The following LIMS2 variants were observed in gnomAD, a reference collection of about 807,000 sequenced individuals.
The protein encoded by LIMS2 is LIM and senescent cell antigen-like-containing domain protein 2.
Under a neutral mutation model 45.3 loss-of-function variants are expected in LIMS2, and 30 were observed. That is an observed-to-expected ratio of 0.66 (90% CI 0.50 to 0.90). LIMS2 has a LOEUF of 0.90. Among genes scored for constraint, LIMS2 ranks in the 40% least tolerant of loss-of-function variants. The pLI is 0.00. For synonymous variants in LIMS2, 173 were observed against 188.0 expected (o/e 0.92, Z 0.65); for missense variants, 485 against 468.7 (o/e 1.03, Z -0.32).
chr2:127,651,033 G>A, intron 4 of LIMS2: 1 of 1,613,764 alleles, frequency 6.2e-7, no homozygotes, highest in Non-Finnish European at 8.5e-7. Context: ...CTGGCCATTT[G>A]GGGAAATCGC....
Position 127,639,393 on chromosome 2 carries a change from C to A in LIMS2, c.914G>T (p.Cys305Phe), listed in dbSNP as rs1558864729. ...KFVEFDMKPV[C>F]KRCYEKFPLE... Reference sequence around the variant, plus strand: ...CGGGAACTTCTCGTAGCACCTCTTACACACGGGCTTCATGTCGAACTCCAC... The same window carrying A: ...CGGGAACTTCTCGTAGCACCTCTTAAACACGGGCTTCATGTCGAACTCCAC... Residue 305 changes from cysteine to phenylalanine, a missense_variant, in exon 10 of 10, where the codon TGT (cysteine) becomes TTT (phenylalanine). Transcript: ENST00000355119. 2 of 1,613,924 alleles carry A rather than the reference C, an allele frequency of 1.2e-6. No homozygotes were observed. The highest frequency in any genetic ancestry group is 1.7e-5 in the Admixed American group (1 of 60,012).
chr2:127,678,648 C>A (rs956109091), upstream of LIMS2, among the ~76,000 whole-genome samples: 12 of 152,004 alleles, frequency 7.9e-5, no homozygotes, highest in African/African-American at 2.4e-4. This position sits in a 1 kb window ranked among gnomAD's most constrained non-coding sequence, Gnocchi z 5.3. Context: ...CCGGCGTGGG[C>A]GTGGTCAGCA....
At chr2:127,649,372 A>C (rs2243824) in intron 4 of LIMS2, among the ~76,000 whole-genome samples, 74,775 of 152,078 alleles carry the variant, frequency 0.49, 18,716 homozygotes, top group South Asian at 0.55. Flanking sequence ...AGCTTCTCTT[A>C]TGCAAACCTC....
At position 127,672,256 on chromosome 2, in the gene LIMS2, T is replaced by A. The variant is rs1685300951; in HGVS notation, c.11+2758A>T. The stretch of plus-strand genomic sequence containing the variant: ...TGTAGAACAATGGTGATGCCAGAGG[T>A]CCCTTCAGCTGTGATAGTCAAAGAT... On this transcript the variant is annotated intron_variant, in intron 1 of 9. Coordinates refer to ENST00000355119, the MANE Select transcript of LIMS2 (RefSeq NM_001161403.3). The surrounding 1 kb of genome is among the most constrained non-coding windows in gnomAD (Gnocchi z 4.9). Among the ~76,000 whole-genome samples, 1 of 152,070 alleles carries A rather than the reference T, an allele frequency of 6.6e-6. No homozygotes were observed. Among genetic ancestry groups the A allele is most frequent in the Admixed American group, 6.5e-5 (1 of 15,274 alleles).
intron 8 of LIMS2, 58 bp from the exon 9 acceptor site, chr2:127,640,203 G>C (rs1682268219): frequency 6.8e-6 from 11 of 1,612,268 alleles, no homozygotes; most frequent in Non-Finnish European, 9.3e-6. Flanking sequence ...GCCCGGCTGG[G>C]CTCACAGCTG....
chr2:127,643,429 C>T (rs556502377), intron 4 of LIMS2: 42 of 461,982 alleles, frequency 9.1e-5, no homozygotes, highest in Middle Eastern at 3.2e-4. Flanking sequence ...TTAACACACA[C>T]GAGTTATAAT....
At chr2:127,663,685 C>T (rs112849713) in intron 1 of LIMS2, among the ~76,000 whole-genome samples, 7,002 of 142,010 alleles carry the variant, frequency 0.049, 233 homozygotes, top group African/African-American at 0.078. Context: ...CCCTATCTGT[C>T]ACCTTGATGC....
intron 1 of LIMS2, among the ~76,000 whole-genome samples, chr2:127,663,530 G>A (rs1684811481): frequency 6.6e-6 from 1 of 152,162 alleles, no homozygotes; most frequent in Non-Finnish European, 1.5e-5. Flanking sequence ...GCTGAGAGTG[G>A]GCTATGCTTG....
At chr2:127,655,215 C>A in intron 2 of LIMS2, 1 of 473,098 alleles carries the variant, frequency 2.1e-6, no homozygotes, top group Non-Finnish European at 3.9e-6. Flanking sequence ...GGTTTTAAGC[C>A]AGGAGGGATG....
chr2:127,665,893 T>G (rs1684974660), intron 1 of LIMS2, among the ~76,000 whole-genome samples: 1 of 152,202 alleles, frequency 6.6e-6, no homozygotes, highest in East Asian at 1.9e-4. Flanking sequence ...CCACAAGTGT[T>G]TTGTGCAACA....
Position 127,675,142 on chromosome 2 carries a change from A to G in LIMS2, c.-118T>C, listed in dbSNP as rs1685452765. ...GGGCCGCGGAGCAGGGAGACGCCCAAAAAAGGCCAAGAGCCGCTCCGCCCG... is the reference window on the plus strand; with the variant it reads ...GGGCCGCGGAGCAGGGAGACGCCCAGAAAAGGCCAAGAGCCGCTCCGCCCG... On this transcript the variant is annotated 5_prime_UTR_variant, in exon 1 of 10. Coordinates refer to ENST00000355119, the MANE Select transcript of LIMS2 (RefSeq NM_001161403.3). The G allele has an allele frequency of 1.9e-6, 2 of 1,027,458 alleles. No homozygotes were observed. The highest frequency in any genetic ancestry group is 2.5e-6 in the Non-Finnish European group (2 of 803,590). 63.6% of individuals were successfully genotyped at this position (1,027,458 alleles called of 1,614,324 possible). A position where few individuals can be genotyped will look rare whatever the true frequency, so the allele number is the denominator to read the frequency against.
At chr2:127,669,148 C>G (rs1412386852) in intron 1 of LIMS2, among the ~76,000 whole-genome samples, 1 of 152,008 alleles carries the variant, frequency 6.6e-6, no homozygotes, top group Non-Finnish European at 1.5e-5. Context: ...GACAAGAGTG[C>G]CAAGACCATT....
intron 1 of LIMS2, among the ~76,000 whole-genome samples, chr2:127,661,877 T>C (rs1684688165): frequency 6.6e-6 from 1 of 152,152 alleles, no homozygotes; most frequent in Non-Finnish European, 1.5e-5. Context: ...TCACAGAGGA[T>C]TGGACTCATG....
chr2:127,656,473 G>A (rs568662681), intron 2 of LIMS2, among the ~76,000 whole-genome samples: 3 of 150,872 alleles, frequency 2.0e-5, no homozygotes, highest in East Asian at 3.9e-4. Context: ...GAGTGCAATG[G>A]CGCGATCTCG....
chr2:127,643,417 A>G (rs2244513), intron 4 of LIMS2: 66,391 of 467,026 alleles, frequency 0.14, 4,860 homozygotes, highest in Middle Eastern at 0.22. Flanking sequence ...TTCCCAATGT[A>G]TTTAACACAC....
At chr2:127,660,474 G>T (rs527324104) in intron 1 of LIMS2, among the ~76,000 whole-genome samples, 1 of 152,264 alleles carries the variant, frequency 6.6e-6, no homozygotes, top group South Asian at 2.1e-4. Flanking sequence ...ACCATGAACC[G>T]ACGGGGAGGA....
chr2:127,658,335 G>A (rs1405214305), intron 1 of LIMS2, among the ~76,000 whole-genome samples: 1 of 152,214 alleles, frequency 6.6e-6, no homozygotes, highest in Non-Finnish European at 1.5e-5. Flanking sequence ...GGAGGCCGAG[G>A]CTGAGTGCCA....
chr2:127,660,593 C>T (rs76426760), intron 1 of LIMS2, among the ~76,000 whole-genome samples: 29 of 152,254 alleles, frequency 1.9e-4, no homozygotes, highest in Non-Finnish European at 3.7e-4. Context: ...ACAACCCCAC[C>T]GGAAGGAAGA....
At chr2:127,651,155 C>T in intron 4 of LIMS2, 1 of 1,613,040 alleles carries the variant, frequency 6.2e-7, no homozygotes, top group Non-Finnish European at 8.5e-7. Context: ...TCAAGTCCCT[C>T]AAGCTCCGCA....
Sources: allele counts gnomAD v4.1 joint callset (sites outside exome capture counted in the v4.1 genomes callset), GRCh38; gene constraint gnomAD v4.1.1; non-coding constraint Gnocchi (gnomAD v3.1); transcripts MANE v1.5; gene names NCBI Gene and HGNC (gene_info 2026-07-23, HGNC 2026-07-21).